Variants in TGM2 observed in about 807,000 individuals in gnomAD.
TGM2 encodes transglutaminase 2.
TGM2 carries 53 observed loss-of-function variants against 75.6 expected under a neutral mutation model. The ratio of observed to expected loss-of-function variants is 0.70; its 90% confidence interval spans 0.56 to 0.88. The LOEUF (loss-of-function observed/expected upper bound fraction) is 0.88. Among genes scored for constraint, TGM2 ranks in the 40% least tolerant of loss-of-function variants. The pLI is 0.00. For missense variants in TGM2, 842 were observed against 928.5 expected, an observed-to-expected ratio of 0.91 and a Z score of 1.21; for synonymous variants, 374 against 381.1, an observed-to-expected ratio of 0.98 and a Z score of 0.22.
At chr20:38,155,204 C>G (rs894440960) in intron 3 of TGM2, among the ~76,000 whole-genome samples, 1 of 152,196 alleles carries the variant, frequency 6.6e-6, no homozygotes, top group Non-Finnish European at 1.5e-5. Flanking sequence ...AGCTGGGCAC[C>G]CTATTCCTGA....
At chr20:38,165,049 C>CA in intron 1 of TGM2, 140 bp downstream of exon 1, 1 of 1,220,490 alleles carries the variant, frequency 8.2e-7, no homozygotes, top group East Asian at 2.5e-5. Context: ...AGGCTCCAAG[C>CA]AGCATTGAGA....
rs772659092 is a variant in TGM2 at position 38,165,189 on chromosome 20, C to G, written c.10G>C (p.Glu4Gln). MAE[E>Q]LVLERCDLEL... ...CGGCTGCGGTGACTCTGATACTCAC[C>G]CTCGGCCATGGTCGGGCGGGGGCGG... The change falls in exon 1 of 13, where the codon GAG becomes CAG. Residue 4 changes from glutamate to glutamine, a missense_variant and splice_region_variant. Coordinates refer to ENST00000361475, the MANE Select transcript of TGM2 (RefSeq NM_004613.4). 6.2e-7 allele frequency: 1 copy of G among 1,613,570 alleles called. No homozygotes were observed. The highest frequency in any genetic ancestry group is 1.7e-5 in the Admixed American group (1 of 60,028).
Position 38,143,442 on chromosome 20 carries a change from C to T in TGM2, c.860-1243G>A, listed in dbSNP as rs45603637. ...ACAGATCAGGGTCCTCAGACTTGTC[C>T]GGAGGGAGGGCCCTGCATACCTGCC... On this transcript the variant is annotated intron_variant, in intron 6 of 12. Coordinates refer to ENST00000361475, the MANE Select transcript of TGM2 (RefSeq NM_004613.4). Among the ~76,000 whole-genome samples, 598 of 152,246 alleles carry T rather than the reference C, an allele frequency of 3.9e-3. 1 individual carries two copies. Among genetic ancestry groups the T allele is most frequent in the Non-Finnish European group, 5.9e-3 (400 of 68,012 alleles).
rs1600476068 is a variant in TGM2, at chr20:38,131,397, A to G, written c.1777-168T>C. Among the ~76,000 whole-genome samples, 3 of 146,902 alleles carry G rather than the reference A, an allele frequency of 2.0e-5. No individual in the cohort carries two copies. In the South Asian group the frequency reaches 6.5e-4, roughly 32 times the overall value. On this transcript the variant is annotated intron_variant, in intron 11 of 12. Coordinates refer to ENST00000361475, the MANE Select transcript of TGM2 (RefSeq NM_004613.4). ...GCCTCAGTTTCTTCATCGGGAAAACACCGATTGTGCTACCGGCCCAGGTCT... is the reference window on the plus strand; with the variant it reads ...GCCTCAGTTTCTTCATCGGGAAAACGCCGATTGTGCTACCGGCCCAGGTCT...
Position 38,149,678 on chromosome 20 carries a change from C to CAAAAAA in TGM2, c.552+1255_552+1260dup, listed in dbSNP as rs1199376180. Among the ~76,000 whole-genome samples, 27 of 40,424 alleles carry CAAAAAA rather than the reference C, an allele frequency of 6.7e-4. 1 individual carries two copies. Among genetic ancestry groups the CAAAAAA allele is most frequent in the African/African-American group, 2.3e-3 (25 of 10,746 alleles). 26.5% of individuals were successfully genotyped at this position (40,424 alleles called of 152,430 possible). ...TGGGCAACAGAGCGAGACTCCGCCT[C>CAAAAAA]AAAAAAAAAAAAAAAAAAAAAAACA... is the stretch of plus-strand genomic sequence containing the variant. On this transcript the variant is annotated intron_variant, in intron 4 of 12. Transcript: ENST00000361475.
At chr20:38,139,737 T>C (rs1382304978) in intron 8 of TGM2, 83 bp from the exon 9 acceptor site, 7 of 1,576,692 alleles carry the variant, frequency 4.4e-6, no homozygotes, top group African/African-American at 2.7e-5. Flanking sequence ...TTCAATCACA[T>C]GTAGCCAAAA....
chr20:38,154,828 G>C (rs1040954631), intron 3 of TGM2, among the ~76,000 whole-genome samples: 1 of 148,686 alleles, frequency 6.7e-6, no homozygotes, highest in Non-Finnish European at 1.5e-5. Context: ...CACCTCAGCC[G>C]GGCACGGTGG....
At chr20:38,151,554 G>T (rs1486203937) in intron 3 of TGM2, among the ~76,000 whole-genome samples, 1 of 152,178 alleles carries the variant, frequency 6.6e-6, no homozygotes, top group Non-Finnish European at 1.5e-5. Flanking sequence ...CCAAAATGCA[G>T]ATCTGAAAGG....
chr20:38,151,609 G>C (rs547266353), intron 3 of TGM2, among the ~76,000 whole-genome samples: 1 of 152,288 alleles, frequency 6.6e-6, no homozygotes, highest in Admixed American at 6.5e-5. Context: ...GGAGGCGCAT[G>C]ATTCAAGGCA....
intron 4 of TGM2, among the ~76,000 whole-genome samples, chr20:38,148,373 G>T (rs1367800776): frequency 6.6e-6 from 1 of 152,178 alleles, no homozygotes; most frequent in African/African-American, 2.4e-5. Context: ...GGAGCCCATG[G>T]AGTGGGCAGC....
chr20:38,131,355 C>T lies in TGM2; in HGVS notation c.1777-126G>A. ...ACCCAGGTCTGCCACGATCACCCCC[C>T]CTCCCCCCACCTCTGTGCCTCAGTT... On this transcript the variant is annotated intron_variant, in intron 11 of 12. Coordinates refer to ENST00000361475, the MANE Select transcript of TGM2 (RefSeq NM_004613.4). 9 of 1,262,480 alleles carry T rather than the reference C, an allele frequency of 7.1e-6. No homozygotes were observed. The South Asian group carries it at 1.2e-4, about 17-fold the overall frequency. The allele number at this position is 1,262,480 out of a possible 1,614,324, so 78.2% of individuals were successfully genotyped here.
At position 38,156,140 on chromosome 20, in the gene TGM2, G is replaced by C; in HGVS notation, c.191-51C>G. 2.5e-6 allele frequency: 4 copies of C among 1,590,534 alleles called. No homozygotes were observed. In the East Asian group the frequency reaches 9.0e-5, roughly 36 times the overall value. On this transcript the variant is annotated intron_variant, in intron 2 of 12. Coordinates refer to ENST00000361475, the MANE Select transcript of TGM2 (RefSeq NM_004613.4). ...GAGCTAGGGGTAGCAGGGCTGGCAG[G>C]GCAGGGCACCTACGTGGGGTCCCCC...
intron 10 of TGM2, 184 bp downstream of exon 10, chr20:38,137,929 C>A: frequency 7.4e-7 from 1 of 1,355,748 alleles, no homozygotes; most frequent in Non-Finnish European, 9.8e-7. Flanking sequence ...GAATCCACCC[C>A]CTCACTCTTG....
chr20:38,167,946 C>T (rs2075323426), upstream of TGM2, among the ~76,000 whole-genome samples: 2 of 152,158 alleles, frequency 1.3e-5, no homozygotes, highest in African/African-American at 4.8e-5. Flanking sequence ...AGTATTGGTA[C>T]CCACTCCCCA....
chr20:38,137,766 T>C (rs1347391896), intron 10 of TGM2, among the ~76,000 whole-genome samples: 3 of 152,160 alleles, frequency 2.0e-5, no homozygotes, highest in African/African-American at 7.2e-5. Context: ...GCAGAGGGTC[T>C]GTGAAAGCAG....
intron 10 of TGM2, among the ~76,000 whole-genome samples, chr20:38,135,272 G>A (rs916732248): frequency 1.3e-5 from 2 of 152,202 alleles, no homozygotes; most frequent in African/African-American, 4.8e-5. Flanking sequence ...CCTTGGAGCA[G>A]CTCTGAGCAC....
intron 9 of TGM2, among the ~76,000 whole-genome samples, chr20:38,139,106 TA>T (rs2074936806): frequency 6.6e-6 from 1 of 152,224 alleles, no homozygotes; most frequent in Non-Finnish European, 1.5e-5. Context: ...TTAGATACCA[TA>T]TTGAATTGGC....
intron 2 of TGM2, among the ~76,000 whole-genome samples, chr20:38,157,853 G>A (rs555703899): frequency 1.1e-4 from 17 of 152,328 alleles, no homozygotes; most frequent in South Asian, 2.1e-4. Flanking sequence ...GTGAGCTATC[G>A]TCAGTGTTAT....
At position 38,128,483 on chromosome 20, in the gene TGM2, T is replaced by G. The variant is rs1238437845; in HGVS notation, c.*1736A>C. On this transcript the variant is annotated 3_prime_UTR_variant, in exon 13 of 13. Transcript: ENST00000361475. ...TAGTTTGAGTGTGAAAAATAAACTA[T>G]TTTATTTCAGTGTTTGCTCCTTGCG... The G allele has an allele frequency of 2.0e-5, 3 of 152,220 alleles. No homozygotes were observed. The highest frequency in any genetic ancestry group is 4.4e-5 in the Non-Finnish European group (3 of 68,050). 9.4% of individuals were successfully genotyped at this position (152,220 alleles called of 1,614,324 possible).
Sources: allele counts gnomAD v4.1 joint callset (sites outside exome capture counted in the v4.1 genomes callset), GRCh38; gene constraint gnomAD v4.1.1; transcripts MANE v1.5; gene names NCBI Gene and HGNC (gene_info 2026-07-23, HGNC 2026-07-21).